The following PCDH15 variants were observed in gnomAD, a reference collection of about 807,000 sequenced individuals.
The protein encoded by PCDH15 is protocadherin-15.
Under a neutral mutation model 178.5 loss-of-function variants are expected in PCDH15, and 129 were observed. The ratio of observed to expected loss-of-function variants is 0.72; its 90% confidence interval spans 0.63 to 0.84. PCDH15 has a LOEUF of 0.84. Among genes scored for constraint, PCDH15 ranks in the 40% least tolerant of loss-of-function variants. PCDH15 has a pLI of 0.00. For missense variants in PCDH15, 2,230 were observed against 2,099.9 expected, an observed-to-expected ratio of 1.06 and a Z score of -1.21; for synonymous variants, 800 against 732.0, an observed-to-expected ratio of 1.09 and a Z score of -1.50.
At chr10:54,679,181 C>T (rs1385952408) in intron 1 of PCDH15, among the ~76,000 whole-genome samples, 3 of 123,976 alleles carry the variant, frequency 2.4e-5, no homozygotes, top group Non-Finnish European at 3.2e-5. Flanking sequence ...CACAGCGAGA[C>T]TCCGTCTCAA....
At chr10:54,966,135 A>AAACC (rs1386513120) in intron 2 of PCDH15, among the ~76,000 whole-genome samples, 45 of 151,986 alleles carry the variant, frequency 3.0e-4, no homozygotes, top group Non-Finnish European at 2.9e-5. Flanking sequence ...CTTAGACTTC[A>AAACC]GTTTTGCTGA....
At chr10:55,272,054 T>G (rs1403612726) in intron 1 of PCDH15, among the ~76,000 whole-genome samples, 1 of 152,084 alleles carries the variant, frequency 6.6e-6, no homozygotes, top group Non-Finnish European at 1.5e-5. Context: ...GCCACGAGTT[T>G]GAGGAAATAA....
rs1286043323 is a variant in PCDH15, at chr10:55,599,755, C to A, written c.-156+27870G>T. 7.1e-6 allele frequency: 3 copies of A among 420,582 alleles called. No individual in the cohort carries two copies. The East Asian group carries it at 1.1e-4, about 15-fold the overall frequency. The allele number at this position is 420,582 out of a possible 1,614,324, so 26.1% of individuals were successfully genotyped here. A position where few individuals can be genotyped will look rare whatever the true frequency, so the allele number is the denominator to read the frequency against. On this transcript the variant is annotated intron_variant, in intron 2 of 5. Transcript: ENST00000613346. ...AGTAAAAGGAACTCGGCACATTTCACCCCATCTCTCTACCAAAAACATCAC... is the reference window on the plus strand; with the variant it reads ...AGTAAAAGGAACTCGGCACATTTCAACCCATCTCTCTACCAAAAACATCAC...
chr10:55,399,072 A>C (rs756936402), intron 2 of PCDH15, among the ~76,000 whole-genome samples: 29 of 152,148 alleles, frequency 1.9e-4, no homozygotes, highest in Non-Finnish European at 3.7e-4. Context: ...AAATGATTTT[A>C]ATTTTAATTT....
intron 5 of PCDH15, among the ~76,000 whole-genome samples, chr10:54,349,710 T>C (rs978906705): frequency 5.9e-5 from 9 of 152,208 alleles, no homozygotes; most frequent in African/African-American, 2.2e-4. Flanking sequence ...AAATAAACTC[T>C]ACATTGTATT....
At chr10:54,221,497 T>C (rs1435521974) in intron 9 of PCDH15, among the ~76,000 whole-genome samples, 3 of 152,174 alleles carry the variant, frequency 2.0e-5, no homozygotes, top group African/African-American at 4.8e-5. Context: ...CTTATGACAA[T>C]GTCTCCTTTC....
chr10:54,669,693 T>A (rs1171835468), intron 1 of PCDH15, among the ~76,000 whole-genome samples: 1 of 147,646 alleles, frequency 6.8e-6, no homozygotes, highest in Non-Finnish European at 1.5e-5. Flanking sequence ...AGATCTTTGC[T>A]CGGGCTTACA....
chr10:53,853,999 G>T (rs1036004476), intron 28 of PCDH15, among the ~76,000 whole-genome samples: 3 of 151,828 alleles, frequency 2.0e-5, no homozygotes, highest in East Asian at 1.9e-4. Context: ...ATCCAAGAGG[G>T]GGAAACAACC....
intron 8 of PCDH15, among the ~76,000 whole-genome samples, chr10:54,306,948 C>G (rs971729479): frequency 1.4e-5 from 2 of 144,376 alleles, no homozygotes; most frequent in Non-Finnish European, 3.0e-5. Context: ...AGTGAATCTT[C>G]TAATAGTTTA....
intron 1 of PCDH15, among the ~76,000 whole-genome samples, chr10:54,671,597 C>T (rs10763123): frequency 0.51 from 77,333 of 151,880 alleles, 20,596 homozygotes; most frequent in Non-Finnish European, 0.6. Flanking sequence ...CTGTAATTGA[C>T]AGATGAAAAT....
rs566019641 is a variant in PCDH15 at position 55,250,479 on chromosome 10, T to C, written c.-156+69120A>G. Among the ~76,000 whole-genome samples, 593 of 145,200 alleles carry C rather than the reference T, an allele frequency of 4.1e-3. 5 individuals carry two copies. The highest frequency in any genetic ancestry group is 0.014 in the African/African-American group (557 of 40,540). ...TATTTTTAAAATATCAGTCAGACCC[T>C]TGTAAAAAAAAAAACTAGTCAATAC... On this transcript the variant is annotated intron_variant, in intron 1 of 5. Coordinates refer to the PCDH15 transcript ENST00000458638.
chr10:54,603,683 A>G (rs998385455), intron 2 of PCDH15, among the ~76,000 whole-genome samples: 2 of 151,916 alleles, frequency 1.3e-5, no homozygotes, highest in Non-Finnish European at 2.9e-5. Context: ...TAACAGTAGT[A>G]GAGTAAAAAT....
chr10:54,944,497 T>C (rs1304861989), intron 2 of PCDH15, among the ~76,000 whole-genome samples: 1 of 151,924 alleles, frequency 6.6e-6, no homozygotes, highest in East Asian at 1.9e-4. Flanking sequence ...TGTCTGGATT[T>C]TGGGGACTAA....
chr10:55,290,942 A>C (rs909931107), intron 1 of PCDH15, among the ~76,000 whole-genome samples: 1 of 152,188 alleles, frequency 6.6e-6, no homozygotes. Context: ...GAACTGAAAA[A>C]TTCTAAGTGT....
At chr10:55,343,962 A>G (rs973559063) in intron 2 of PCDH15, among the ~76,000 whole-genome samples, 1 of 152,158 alleles carries the variant, frequency 6.6e-6, no homozygotes, top group Non-Finnish European at 1.5e-5. Context: ...TTGCAGAGAA[A>G]AATAAAGCAT....
At chr10:54,697,731 G>A (rs940283316) in intron 1 of PCDH15, among the ~76,000 whole-genome samples, 1 of 148,580 alleles carries the variant, frequency 6.7e-6, no homozygotes, top group South Asian at 2.1e-4. Context: ...AAGGAAGTAA[G>A]GAAGAGGCAA....
rs373563872 is a variant in PCDH15, at chr10:54,407,453, A to G, written c.158-28511T>C. 4.7e-4 allele frequency among the ~76,000 whole-genome samples: 72 copies of G among 152,184 alleles called. 1 individual carries two copies. The highest frequency in any genetic ancestry group is 1.5e-3 in the African/African-American group (63 of 41,540). On this transcript the variant is annotated intron_variant, in intron 3 of 37. Coordinates refer to ENST00000644397, the MANE Select transcript of PCDH15 (RefSeq NM_001384140.1). ...GTTGAAAAAATAGTCTAATATTATCATTTTTTAATCTGGATAATGGCTCCA... is the reference window on the plus strand; with the variant it reads ...GTTGAAAAAATAGTCTAATATTATCGTTTTTTAATCTGGATAATGGCTCCA...
chr10:55,174,488 G>A (rs1313969540), intron 1 of PCDH15, among the ~76,000 whole-genome samples: 2 of 141,496 alleles, frequency 1.4e-5, no homozygotes, highest in African/African-American at 5.2e-5. Context: ...TCCTGCAGCT[G>A]GACCTTTTCT....
chr10:54,671,917 G>A (rs1471508360), intron 1 of PCDH15, among the ~76,000 whole-genome samples: 4 of 152,086 alleles, frequency 2.6e-5, no homozygotes. Context: ...TGAGTGGTGG[G>A]TGAGCAAGCA....
Sources: gnomAD v4.1 joint callset for allele counts (sites outside exome capture counted in the v4.1 genomes callset) on GRCh38, gnomAD v4.1.1 for gene constraint, MANE v1.5 for transcripts, NCBI Gene and HGNC (gene_info 2026-07-23, HGNC 2026-07-21) for gene names.